Variants in AMOT observed in about 807,000 individuals in gnomAD.
AMOT encodes the protein angiomotin.
Under a neutral mutation model 67.0 loss-of-function variants are expected in AMOT, and 11 were observed. That is an observed-to-expected ratio of 0.16 (90% CI 0.10 to 0.27). AMOT has a LOEUF of 0.27. Ranked by LOEUF, AMOT falls within the 10% of genes least tolerant of loss-of-function variation. The pLI, the probability that AMOT is intolerant of heterozygous loss-of-function variation, is 1.00. For synonymous variants in AMOT, 326 were observed against 321.4 expected (o/e 1.01, Z -0.15); for missense variants, 753 against 852.0 (o/e 0.88, Z 1.45).
Position 112,815,748 on chromosome X carries a change from G to T in AMOT, c.1002C>A (p.Ala334=). Residue 334 remains alanine (A), a synonymous_variant, in exon 5 of 14, where the codon GCC becomes GCA. Coordinates refer to ENST00000371959, the MANE Select transcript of AMOT (RefSeq NM_001113490.2). The part of the protein sequence containing the change: ...QSPPSTRLSP[A]RHPLVPNQGD... ...CCTGGTTTGGGACCAAGGGGTGTCG[G>T]GCAGGAGACAATCTAGTGGATGGTG... 3 of 1,167,517 alleles carry T rather than the reference G, an allele frequency of 2.6e-6. No homozygotes were observed. Among genetic ancestry groups the T allele is most frequent in the Non-Finnish European group, 3.4e-6 (3 of 873,015 alleles).
chrX:112,803,436 GATGC>G (rs1934075859), intron 8 of AMOT, among the ~76,000 whole-genome samples: 1 of 112,310 alleles, frequency 8.9e-6, no homozygotes. Context: ...GTAGCAAAAG[GATGC>G]AATAAGCTCC....
chrX:112,822,410 T>G lies in AMOT; in HGVS notation c.717A>C (p.Pro239=). ...SLKGMEHRGP[P]PEYPFKGMPP... is the part of the protein sequence containing the mutation. Reference sequence around the variant, plus strand: ...GCATGCCCTTGAAGGGATATTCTGGTGGGGGGCCTCGGTGTTCCATGCCCT... The same window carrying G: ...GCATGCCCTTGAAGGGATATTCTGGGGGGGGGCCTCGGTGTTCCATGCCCT... Residue 239 remains proline, a synonymous_variant, in exon 4 of 14, where the codon CCA becomes CCC. Coordinates refer to ENST00000371959, the MANE Select transcript of AMOT (RefSeq NM_001113490.2). 1 of 1,167,486 alleles carries G rather than the reference T, an allele frequency of 8.6e-7. No homozygotes were observed.
intron 6 of AMOT, among the ~76,000 whole-genome samples, chrX:112,810,719 A>G (rs1400503848): frequency 9.0e-6 from 1 of 111,253 alleles, no homozygotes; most frequent in African/African-American, 3.3e-5. Flanking sequence ...CAAAGAAAAA[A>G]AAAAGAAAAG....
At chrX:112,803,282 A>G (rs1286712963) in intron 8 of AMOT, among the ~76,000 whole-genome samples, 1 of 111,526 alleles carries the variant, frequency 9.0e-6, no homozygotes, top group Non-Finnish European at 1.9e-5. Context: ...TCTACCCAAG[A>G]CTGGCCATGT....
intron 3 of AMOT, 37 bp downstream of exon 3, chrX:112,825,035 G>GCA (rs113171382): frequency 0.14 from 14,078 of 103,583 alleles, 935 homozygotes; most frequent in Admixed American, 0.21. Flanking sequence ...ACGAGCGTGT[G>GCA]CACACACACA....
At chrX:112,824,078 G>C (rs1244237719) in intron 3 of AMOT, among the ~76,000 whole-genome samples, 14 of 112,019 alleles carry the variant, frequency 1.2e-4, no homozygotes, top group African/African-American at 4.5e-4. Context: ...ACTGATTTTA[G>C]TAACACAATT....
chrX:112,791,292 C>T (rs1280205704), intron 9 of AMOT, among the ~76,000 whole-genome samples: 1 of 109,770 alleles, frequency 9.1e-6, no homozygotes, highest in Non-Finnish European at 1.9e-5. Flanking sequence ...GGGAGGCTGA[C>T]GCAGGAGAAT....
In AMOT at chrX:112,833,796, G is replaced by A. The variant is rs942681177; in HGVS notation, c.-288-1426C>T. Among the ~76,000 whole-genome samples, 11 of 111,891 alleles carry A rather than the reference G, an allele frequency of 9.8e-5. No individual in the cohort carries two copies. The Admixed American group carries it at 1.0e-3, about 11-fold the overall frequency. The stretch of plus-strand genomic sequence containing the variant: ...AAAACTCTGAACTGAAAATCTAAAT[G>A]TAATAAAGAGGAATTAGGTTTCTTC... On this transcript the variant is annotated intron_variant, in intron 1 of 13. Transcript: ENST00000371959.
At chrX:112,784,634 G>A (rs1933309312) in intron 10 of AMOT, among the ~76,000 whole-genome samples, 2 of 111,694 alleles carry the variant, frequency 1.8e-5, no homozygotes, top group African/African-American at 3.3e-5. Flanking sequence ...AGGAGAGCGA[G>A]AGCGAGAGAG....
At chrX:112,787,491 T>C (rs1933404173) in intron 10 of AMOT, among the ~76,000 whole-genome samples, 1 of 111,736 alleles carries the variant, frequency 8.9e-6, no homozygotes, top group East Asian at 2.8e-4. Flanking sequence ...AATAACAGAT[T>C]AGTCATTGCC....
intron 8 of AMOT, 95 bp downstream of exon 8, chrX:112,804,852 A>C: frequency 8.9e-7 from 1 of 1,122,315 alleles, no homozygotes; most frequent in Non-Finnish European, 1.2e-6. Context: ...TCTGGGGATT[A>C]TGCAGCTGCC....
At chrX:112,797,846 GGAA>G (rs1933882394) in intron 8 of AMOT, among the ~76,000 whole-genome samples, 2 of 104,590 alleles carry the variant, frequency 1.9e-5, no homozygotes, top group Admixed American at 2.1e-4. Flanking sequence ...AAGGAGAAGA[GGAA>G]GAAGAGAAAA....
chrX:112,818,412 G>A (rs1053691571), intron 4 of AMOT, among the ~76,000 whole-genome samples: 3 of 111,838 alleles, frequency 2.7e-5, no homozygotes, highest in African/African-American at 9.8e-5. Context: ...AGCTGAGGAT[G>A]AAGATAAGCA....
At position 112,778,184 on chromosome X, in the gene AMOT, C is replaced by T. The variant is rs767038577; in HGVS notation, c.*383G>A. The T allele has an allele frequency of 4.3e-4, 51 of 117,928 alleles. No individual in the cohort carries two copies. Among genetic ancestry groups the T allele is most frequent in the Non-Finnish European group, 7.9e-4 (45 of 56,936 alleles). The allele number at this position is 117,928 out of a possible 1,213,427, so 9.7% of individuals were successfully genotyped here. ...TCTCTAGCTTCCCACTTCCAAACTACGTGTTATACACTGTCTTCCACACAT... is the reference window on the plus strand; with the variant it reads ...TCTCTAGCTTCCCACTTCCAAACTATGTGTTATACACTGTCTTCCACACAT... On this transcript the variant is annotated 3_prime_UTR_variant, in exon 14 of 14. Coordinates refer to ENST00000371959, the MANE Select transcript of AMOT (RefSeq NM_001113490.2).
intron 10 of AMOT, among the ~76,000 whole-genome samples, chrX:112,788,891 C>A (rs1319902801): frequency 8.9e-6 from 1 of 112,407 alleles, no homozygotes; most frequent in Non-Finnish European, 1.9e-5. Flanking sequence ...ATTAAATCTA[C>A]CTTGTGGGAG....
At chrX:112,805,714 T>A (rs1934158013) in intron 7 of AMOT, among the ~76,000 whole-genome samples, 1 of 111,801 alleles carries the variant, frequency 8.9e-6, no homozygotes, top group Non-Finnish European at 1.9e-5. Context: ...CATCTGCTTC[T>A]CTTGGGAATC....
At chrX:112,786,214 C>T (rs1405123447) in intron 10 of AMOT, among the ~76,000 whole-genome samples, 1 of 111,948 alleles carries the variant, frequency 8.9e-6, no homozygotes, top group Admixed American at 9.5e-5. Flanking sequence ...GGTAGACATG[C>T]ATTATGTGTG....
rs1004407706 is a variant in AMOT, at chrX:112,840,570, G to C, written c.-407C>G. The C allele has an allele frequency of 8.8e-6, 1 of 113,213 alleles. No homozygotes were observed. Among genetic ancestry groups the C allele is most frequent in the African/African-American group, 3.2e-5 (1 of 31,216 alleles). The allele number at this position is 113,213 out of a possible 1,213,427, so 9.3% of individuals were successfully genotyped here. A position where few individuals can be genotyped will look rare whatever the true frequency, so the allele number is the denominator to read the frequency against. Reference sequence around the variant, plus strand: ...CCAACTCCCGGCTGCTCCCCTCCTCGCTGCTCCGTCCGGGCTCTCCTTGGT... The same window carrying C: ...CCAACTCCCGGCTGCTCCCCTCCTCCCTGCTCCGTCCGGGCTCTCCTTGGT... On this transcript the variant is annotated 5_prime_UTR_variant, in exon 1 of 14. Transcript: ENST00000371959.
chrX:112,837,866 A>C (rs1652560729), intron 1 of AMOT, among the ~76,000 whole-genome samples: 1 of 111,912 alleles, frequency 8.9e-6, no homozygotes, highest in South Asian at 3.7e-4. Context: ...GCAGATCACT[A>C]AACCTACTGA....
Sources: allele counts gnomAD v4.1 joint callset (sites outside exome capture counted in the v4.1 genomes callset), GRCh38; gene constraint gnomAD v4.1.1; transcripts MANE v1.5; gene names NCBI Gene and HGNC (gene_info 2026-07-23, HGNC 2026-07-21).